Variants in SUMO3 observed in about 807,000 individuals in gnomAD.
The protein encoded by SUMO3 is small ubiquitin-related modifier 3.
Under a neutral mutation model 11.1 loss-of-function variants are expected in SUMO3, and 2 were observed. The ratio of observed to expected loss-of-function variants is 0.18; its 90% confidence interval spans 0.07 to 0.57. SUMO3 has a LOEUF of 0.57. SUMO3 is among the 20% of genes least tolerant of loss of function. SUMO3 has a pLI of 0.92. For synonymous variants in SUMO3, 56 were observed against 53.5 expected (o/e 1.05, Z -0.20); for missense variants, 70 against 132.8 (o/e 0.53, Z 2.32).
chr21:44,811,706 C>T lies in SUMO3; in HGVS notation c.150+2270G>A, dbSNP rs1316012868. Among the ~76,000 whole-genome samples, 1 of 152,016 alleles carries T rather than the reference C, an allele frequency of 6.6e-6. No individual in the cohort carries two copies. The highest frequency in any genetic ancestry group is 2.4e-5 in the African/African-American group (1 of 41,386). On this transcript the variant is annotated intron_variant, in intron 2 of 3. Coordinates refer to ENST00000332859, the MANE Select transcript of SUMO3 (RefSeq NM_006936.3). The surrounding 1 kb of genome is among the most constrained non-coding windows in gnomAD (Gnocchi z 5.0). ...GGAAAGATAAAGTTGAAATGACCTC[C>T]CGGAAAGAAGCCCAAATGCAACAAT...
chr21:44,813,574 A>C, intron 2 of SUMO3: 2 of 492,354 alleles, frequency 4.1e-6, no homozygotes. Flanking sequence ...AGGCCAGCTC[A>C]TACGCGAGGA....
chr21:44,811,856 A>G lies in SUMO3; in HGVS notation c.150+2120T>C, dbSNP rs1431933882. 6.6e-6 allele frequency among the ~76,000 whole-genome samples: 1 copy of G among 152,136 alleles called. No individual in the cohort carries two copies. Among genetic ancestry groups the G allele is most frequent in the Admixed American group, 6.5e-5 (1 of 15,276 alleles). Reference sequence around the variant, plus strand: ...TGGAGAAGGATACAAATTATCAGAGAACTAACATAAGGCATATTTCCTGAA... The same window carrying G: ...TGGAGAAGGATACAAATTATCAGAGGACTAACATAAGGCATATTTCCTGAA... On this transcript the variant is annotated intron_variant, in intron 2 of 3. Transcript: ENST00000332859. This position sits in a 1 kb window ranked among gnomAD's most constrained non-coding sequence, Gnocchi z 5.0.
chr21:44,809,352 C>G (rs1453889587), intron 2 of SUMO3, among the ~76,000 whole-genome samples: 3 of 152,254 alleles, frequency 2.0e-5, no homozygotes, highest in Non-Finnish European at 4.4e-5. Context: ...CAATCTCTTT[C>G]ACGCGGTGCC....
In SUMO3 at chr21:44,812,051, A is replaced by AC. The variant is rs142525236; in HGVS notation, c.150+1924dup. 3.2e-3 allele frequency among the ~76,000 whole-genome samples: 187 copies of AC among 59,218 alleles called. 8 individuals are homozygous for AC. The highest frequency in any genetic ancestry group is 0.018 in the Middle Eastern group (2 of 110). 38.8% of individuals were successfully genotyped at this position (59,218 alleles called of 152,430 possible). A position where few individuals can be genotyped will look rare whatever the true frequency, so the allele number is the denominator to read the frequency against. On this transcript the variant is annotated intron_variant, in intron 2 of 3. Coordinates refer to ENST00000332859, the MANE Select transcript of SUMO3 (RefSeq NM_006936.3). The stretch of plus-strand genomic sequence containing the variant: ...AGAATCAGAATCCACTGAACTTCTC[A>AC]CCTTTTTTTTTTTTTTTTTTTTTTT...
intron 1 of SUMO3, among the ~76,000 whole-genome samples, chr21:44,814,547 T>C (rs997310347): frequency 6.6e-6 from 1 of 152,192 alleles, no homozygotes; most frequent in Non-Finnish European, 1.5e-5. Context: ...TTTTAAAAAA[T>C]TCTTATGAAA....
At chr21:44,816,932 G>C (rs2083247717) in intron 1 of SUMO3, among the ~76,000 whole-genome samples, 1 of 137,270 alleles carries the variant, frequency 7.3e-6, no homozygotes, top group Non-Finnish European at 1.6e-5. Flanking sequence ...ATCGTGGAGG[G>C]GGTGATGGGG....
intron 2 of SUMO3, among the ~76,000 whole-genome samples, chr21:44,809,996 C>T (rs536167688): frequency 6.6e-6 from 1 of 152,248 alleles, no homozygotes; most frequent in South Asian, 2.1e-4. Context: ...CAATGAGGGA[C>T]AGATAAGAAG....
chr21:44,814,501 G>A (rs1303212630), intron 1 of SUMO3, among the ~76,000 whole-genome samples: 2 of 152,218 alleles, frequency 1.3e-5, no homozygotes, highest in East Asian at 3.8e-4. Context: ...AGGAGTTTGA[G>A]ACCAGTCTGG....
At chr21:44,808,496 C>G (rs893886409) in intron 3 of SUMO3, 1 of 1,443,862 alleles carries the variant, frequency 6.9e-7, no homozygotes, top group African/African-American at 1.5e-5. Flanking sequence ...GCCTGGGCAA[C>G]AAAGCGAGAC....
chr21:44,808,575 C>T (rs1267682576), intron 3 of SUMO3: 14 of 1,381,476 alleles, frequency 1.0e-5, no homozygotes, highest in Middle Eastern at 1.9e-4. Context: ...TGCCCTGCAA[C>T]GTGATAGATG....
intron 3 of SUMO3, chr21:44,808,633 A>G: frequency 7.2e-7 from 1 of 1,383,326 alleles, no homozygotes; most frequent in African/African-American, 1.5e-5. Context: ...AGCTGTGCAG[A>G]CTGATAATCA....
intron 3 of SUMO3, chr21:44,808,321 G>C: frequency 2.7e-6 from 1 of 368,326 alleles, no homozygotes; most frequent in Non-Finnish European, 4.9e-6. Context: ...GACCATCCTG[G>C]CTAACATGGT....
chr21:44,811,354 A>G lies in SUMO3; in HGVS notation c.151-2236T>C, dbSNP rs530854866. ...TTTGGGAGACCGAGGCAGAAGGATC[A>G]CTTAAGCCCAGGAATTCCAGACCAG... is the stretch of plus-strand genomic sequence containing the variant. On this transcript the variant is annotated intron_variant, in intron 2 of 3. Transcript: ENST00000332859. The surrounding 1 kb of genome is among the most constrained non-coding windows in gnomAD (Gnocchi z 5.0). 5.0e-4 allele frequency among the ~76,000 whole-genome samples: 76 copies of G among 152,192 alleles called. No individual in the cohort carries two copies. Among genetic ancestry groups the G allele is most frequent in the Non-Finnish European group, 9.7e-4 (66 of 68,036 alleles).
intron 2 of SUMO3, chr21:44,813,585 C>T: frequency 3.7e-6 from 1 of 272,452 alleles, no homozygotes; most frequent in Non-Finnish European, 7.2e-6. Context: ...TACGCGAGGA[C>T]AGGGTGACAG....
rs969151729 is a variant in SUMO3, at chr21:44,807,802, G to A, written c.223-762C>T. ...CCAGGCAGGGCTCCCTCTGCCTCTC[G>A]GTCCACCTGTCCACAGCCAGCCCCC... is the stretch of plus-strand genomic sequence containing the variant. On this transcript the variant is annotated intron_variant, in intron 3 of 3. Coordinates refer to ENST00000332859, the MANE Select transcript of SUMO3 (RefSeq NM_006936.3). The surrounding 1 kb of genome is among the most constrained non-coding windows in gnomAD (Gnocchi z 4.3). 3.3e-5 allele frequency among the ~76,000 whole-genome samples: 5 copies of A among 152,084 alleles called. No homozygotes were observed. Among genetic ancestry groups the A allele is most frequent in the Middle Eastern group, 3.4e-3 (1 of 294 alleles).
chr21:44,816,305 C>T (rs2083243558), intron 1 of SUMO3, among the ~76,000 whole-genome samples: 1 of 152,198 alleles, frequency 6.6e-6, no homozygotes, highest in Admixed American at 6.5e-5. Context: ...CAAACAACCC[C>T]AGAGTGGGAG....
chr21:44,811,547 G>C lies in SUMO3; in HGVS notation c.150+2429C>G, dbSNP rs2083212534. 6.6e-6 allele frequency among the ~76,000 whole-genome samples: 1 copy of C among 152,082 alleles called. No homozygotes were observed. Among genetic ancestry groups the C allele is most frequent in the Non-Finnish European group, 1.5e-5 (1 of 68,016 alleles). ...TGATCACACCACTGCGCTCCAGCTT[G>C]GGGGACAGAGTGAGACCCTGTCTCA... On this transcript the variant is annotated intron_variant, in intron 2 of 3. Transcript: ENST00000332859. This position sits in a 1 kb window ranked among gnomAD's most constrained non-coding sequence, Gnocchi z 5.0.
chr21:44,813,610 C>T (rs997509281), intron 2 of SUMO3: 56 of 564,820 alleles, frequency 9.9e-5, no homozygotes, highest in African/African-American at 2.1e-4. Context: ...GTGGGGCACA[C>T]GCCACCTGCA....
At chr21:44,813,577 CGCGAGG>C in intron 2 of SUMO3, 1 of 500,118 alleles carries the variant, frequency 2.0e-6, no homozygotes, top group South Asian at 3.0e-5. Flanking sequence ...CCAGCTCATA[CGCGAGG>C]ACAGGGTGAC....
Sources: allele counts gnomAD v4.1 joint callset (sites outside exome capture counted in the v4.1 genomes callset), GRCh38; gene constraint gnomAD v4.1.1; non-coding constraint Gnocchi (gnomAD v3.1); transcripts MANE v1.5; gene names NCBI Gene and HGNC (gene_info 2026-07-23, HGNC 2026-07-21).